The following ANKS1B variants were observed in gnomAD, a reference collection of about 807,000 sequenced individuals.
ANKS1B encodes ankyrin repeat and sterile alpha motif domain-containing protein 1B.
In ANKS1B, 36 loss-of-function variants were observed where a neutral mutation model predicts 148.3. The observed-to-expected ratio is 0.24, with a 90% CI of 0.19 to 0.32. The LOEUF (loss-of-function observed/expected upper bound fraction) is 0.32, where lower values mean the gene tolerates loss of function less well. Ranked by LOEUF, ANKS1B falls within the 10% of genes least tolerant of loss-of-function variation. ANKS1B has a pLI of 1.00. For missense variants in ANKS1B, 1,157 were observed against 1,542.6 expected, an observed-to-expected ratio of 0.75 and a Z score of 4.19; for synonymous variants, 542 against 560.8, an observed-to-expected ratio of 0.97 and a Z score of 0.47.
chr12:98,954,453 C>T (rs917903772), intron 17 of ANKS1B: 27 of 152,142 alleles, frequency 1.8e-4, no homozygotes, highest in Admixed American at 1.5e-3. Flanking sequence ...AGAAGTGAAG[C>T]CTTTAGGATG....
chr12:99,774,990 T>C (rs2063524220), intron 7 of ANKS1B, among the ~76,000 whole-genome samples: 1 of 152,040 alleles, frequency 6.6e-6, no homozygotes. Flanking sequence ...TGCCAGGGGC[T>C]GGGGAGTGGA....
At chr12:99,980,603 G>C (rs2095686913) in intron 1 of ANKS1B, among the ~76,000 whole-genome samples, 1 of 151,900 alleles carries the variant, frequency 6.6e-6, no homozygotes, top group East Asian at 1.9e-4. Context: ...ACTTTAAGAG[G>C]GTCATTGCAA....
chr12:99,624,803 T>C (rs2098093191), intron 9 of ANKS1B, among the ~76,000 whole-genome samples: 3 of 152,040 alleles, frequency 2.0e-5, no homozygotes, highest in African/African-American at 2.4e-5. Flanking sequence ...TGTATGAATG[T>C]AAACTACTTC....
At chr12:99,057,634 C>A (rs1006592992) in intron 16 of ANKS1B, among the ~76,000 whole-genome samples, 2 of 152,160 alleles carry the variant, frequency 1.3e-5, no homozygotes, top group African/African-American at 4.8e-5. Context: ...GAATTATGCC[C>A]CTGTGCCCTT....
intron 12 of ANKS1B, among the ~76,000 whole-genome samples, chr12:99,267,735 T>C (rs2076594298): frequency 6.6e-6 from 1 of 152,144 alleles, no homozygotes; most frequent in Non-Finnish European, 1.5e-5. Flanking sequence ...TTTTGTGAGC[T>C]TCAGAGGAAG....
chr12:99,005,159 C>T (rs1179784646), intron 17 of ANKS1B, among the ~76,000 whole-genome samples: 1 of 152,216 alleles, frequency 6.6e-6, no homozygotes, highest in East Asian at 1.9e-4. Context: ...CACATCTCTC[C>T]AAAGTTTCCC....
rs1319596050 is a variant in ANKS1B at position 98,744,636 on chromosome 12, T to TTTTG, written c.*1099_*1102dup. On this transcript the variant is annotated 3_prime_UTR_variant, in exon 27 of 27. Coordinates refer to ENST00000683438, the MANE Select transcript of ANKS1B (RefSeq NM_001352186.2). ...TAATCAAATAGTAAGCAAACTTTTT[T>TTTTG]TTTGTTTGTCTCAAGAAAAGTTTTA... 5.8e-6 allele frequency: 5 copies of TTTTG among 859,734 alleles called. No homozygotes were observed. The highest frequency in any genetic ancestry group is 5.6e-6 in the Non-Finnish European group (4 of 715,488). 53.3% of individuals were successfully genotyped at this position (859,734 alleles called of 1,614,324 possible).
intron 9 of ANKS1B, among the ~76,000 whole-genome samples, chr12:99,593,821 C>A (rs1302093400): frequency 6.6e-6 from 1 of 151,956 alleles, no homozygotes; most frequent in African/African-American, 2.4e-5. Context: ...AACTGCCTAC[C>A]CTGACATTTC....
At chr12:99,587,979 T>C (rs1020886126) in intron 9 of ANKS1B, among the ~76,000 whole-genome samples, 1 of 152,160 alleles carries the variant, frequency 6.6e-6, no homozygotes, top group Admixed American at 6.5e-5. Flanking sequence ...GTTAGAATTG[T>C]TCTTCAGCCT....
At chr12:99,826,719 A>G (rs574665416) in intron 1 of ANKS1B, among the ~76,000 whole-genome samples, 1 of 152,290 alleles carries the variant, frequency 6.6e-6, no homozygotes, top group East Asian at 1.9e-4. Flanking sequence ...TCCCTATCAA[A>G]ATCCCAATGG....
intron 13 of ANKS1B, 21 bp downstream of exon 13, chr12:99,246,254 A>G (rs1280106233): frequency 2.0e-6 from 3 of 1,517,690 alleles, no homozygotes; most frequent in Non-Finnish European, 2.7e-6. Flanking sequence ...TAGGATGAAC[A>G]GCAAGAAGAA....
At chr12:99,509,492 G>A (rs1210354053) in intron 9 of ANKS1B, among the ~76,000 whole-genome samples, 1 of 151,866 alleles carries the variant, frequency 6.6e-6, no homozygotes, top group African/African-American at 2.4e-5. Context: ...CTGGATAGAA[G>A]ATCACACCAG....
intron 17 of ANKS1B, among the ~76,000 whole-genome samples, chr12:98,990,722 G>A (rs923611112): frequency 6.6e-6 from 1 of 152,184 alleles, no homozygotes; most frequent in African/African-American, 2.4e-5. Context: ...TCAAAGACAT[G>A]AACTGTTTAC....
At chr12:98,785,719 G>C (rs1179620033) in intron 22 of ANKS1B, among the ~76,000 whole-genome samples, 5 of 152,130 alleles carry the variant, frequency 3.3e-5, no homozygotes, top group African/African-American at 1.2e-4. Context: ...CGCCTACTCT[G>C]AACATCAAGT....
intron 15 of ANKS1B, among the ~76,000 whole-genome samples, chr12:99,136,265 T>A (rs761422692): frequency 2.0e-5 from 3 of 152,226 alleles, no homozygotes; most frequent in African/African-American, 7.2e-5. Context: ...CGAGTTGGCA[T>A]AGAAGCAGAG....
chr12:99,149,319 C>T (rs753053725), intron 15 of ANKS1B, among the ~76,000 whole-genome samples: 7 of 152,016 alleles, frequency 4.6e-5, no homozygotes, highest in Non-Finnish European at 1.0e-4. Flanking sequence ...CTCTATCATG[C>T]GCAAATGTTT....
chr12:99,772,838 G>A, intron 8 of ANKS1B, 84 bp downstream of exon 8: 1 of 1,315,096 alleles, frequency 7.6e-7, no homozygotes, highest in Non-Finnish European at 1.0e-6. Flanking sequence ...ATCTGATAAT[G>A]CACCACATCC....
chr12:99,771,600 T>G (rs1336326934), intron 8 of ANKS1B, among the ~76,000 whole-genome samples: 1 of 152,116 alleles, frequency 6.6e-6, no homozygotes, highest in Non-Finnish European at 1.5e-5. Context: ...CAGAGGATTT[T>G]GTCCCAACAT....
At chr12:99,577,461 A>G (rs974299087) in intron 9 of ANKS1B, among the ~76,000 whole-genome samples, 2 of 151,808 alleles carry the variant, frequency 1.3e-5, no homozygotes, top group African/African-American at 2.4e-5. Context: ...GAAAAAATAA[A>G]TAAGATCAAT....
Sources: allele counts gnomAD v4.1 joint callset (sites outside exome capture counted in the v4.1 genomes callset), GRCh38; gene constraint gnomAD v4.1.1; transcripts MANE v1.5; gene names NCBI Gene and HGNC (gene_info 2026-07-23, HGNC 2026-07-21).